CSMD1: variants seen among roughly 807,000 people sequenced by gnomAD.
CSMD1 encodes the protein CUB and Sushi multiple domains 1.
In CSMD1, 213 loss-of-function variants were observed where a neutral mutation model predicts 417.5. The ratio of observed to expected loss-of-function variants is 0.51; its 90% CI spans 0.46 to 0.57. CSMD1 has a LOEUF of 0.57. Among genes scored for constraint, CSMD1 ranks in the 20% least tolerant of loss-of-function variants. The pLI, the probability that CSMD1 is intolerant of heterozygous loss-of-function variation, is 0.00. For synonymous variants in CSMD1, 2,862 were observed against 1,736.8 expected, an observed-to-expected ratio of 1.65 and a Z score of -16.11; for missense variants, 6,923 against 4,529.7, an observed-to-expected ratio of 1.53 and a Z score of -15.17.
intron 1 of CSMD1, among the ~76,000 whole-genome samples, chr8:4,761,885 A>G (rs1229107962): frequency 1.3e-5 from 1 of 76,182 alleles, no homozygotes; most frequent in African/African-American, 4.5e-5. Flanking sequence ...CTATCTATCT[A>G]TCTACCTACC....
intron 26 of CSMD1, among the ~76,000 whole-genome samples, chr8:3,258,569 T>A (rs1324667336): frequency 6.6e-6 from 1 of 152,182 alleles, no homozygotes; most frequent in Non-Finnish European, 1.5e-5. Context: ...GAAATATCAT[T>A]GGACCTAGCA....
At chr8:3,125,451 TAAGA>T (rs1817454198) in intron 41 of CSMD1, among the ~76,000 whole-genome samples, 1 of 152,172 alleles carries the variant, frequency 6.6e-6, no homozygotes, top group African/African-American at 2.4e-5. Context: ...AGTTTTAATT[TAAGA>T]AAGAAAGTCA....
intron 3 of CSMD1, among the ~76,000 whole-genome samples, chr8:4,376,269 G>C (rs190041989): frequency 2.6e-5 from 4 of 152,128 alleles, no homozygotes; most frequent in Non-Finnish European, 5.9e-5. Context: ...TTCTCTGATG[G>C]TAAGAATGAC....
intron 1 of CSMD1, among the ~76,000 whole-genome samples, chr8:4,691,989 T>A (rs1375535054): frequency 6.6e-6 from 1 of 152,186 alleles, no homozygotes; most frequent in African/African-American, 2.4e-5. Flanking sequence ...TCTGTCTCAA[T>A]CCATCTTCAG....
At chr8:4,034,930 G>A (rs1449581611) in intron 3 of CSMD1, among the ~76,000 whole-genome samples, 1 of 152,078 alleles carries the variant, frequency 6.6e-6, no homozygotes, top group South Asian at 2.1e-4. Flanking sequence ...GTCACACACG[G>A]AAAATGCAAA....
intron 9 of CSMD1, among the ~76,000 whole-genome samples, chr8:3,577,688 C>T (rs562804807): frequency 1.6e-3 from 250 of 152,314 alleles, no homozygotes; most frequent in African/African-American, 5.7e-3. Flanking sequence ...GTAATTCTAA[C>T]CCTCCTTCTT....
At chr8:3,898,058 A>G (rs920798863) in intron 5 of CSMD1, among the ~76,000 whole-genome samples, 4 of 152,212 alleles carry the variant, frequency 2.6e-5, no homozygotes, top group African/African-American at 9.6e-5. Context: ...TTATGTACTT[A>G]CAAACAAGGT....
chr8:3,062,265 A>G (rs749288611), intron 49 of CSMD1, among the ~76,000 whole-genome samples: 3 of 152,134 alleles, frequency 2.0e-5, no homozygotes, highest in Non-Finnish European at 2.9e-5. Flanking sequence ...TATACCATTA[A>G]TACCATGCTG....
chr8:4,147,474 G>C (rs147251445), intron 3 of CSMD1, among the ~76,000 whole-genome samples: 2 of 152,030 alleles, frequency 1.3e-5, no homozygotes, highest in Non-Finnish European at 2.9e-5. Flanking sequence ...TACCCTACAT[G>C]ATTGCCTTTG....
At chr8:4,767,247 G>A (rs1335349093) in intron 1 of CSMD1, among the ~76,000 whole-genome samples, 1 of 152,180 alleles carries the variant, frequency 6.6e-6, no homozygotes, top group Non-Finnish European at 1.5e-5. Context: ...TGGATGCAAG[G>A]TGAAAAGAAA....
chr8:3,988,147 G>A (rs1814477328), intron 5 of CSMD1, among the ~76,000 whole-genome samples: 1 of 152,130 alleles, frequency 6.6e-6, no homozygotes, highest in South Asian at 2.1e-4. Flanking sequence ...CTGCTGGGCA[G>A]TTGGGCTGGT....
intron 7 of CSMD1, among the ~76,000 whole-genome samples, chr8:3,680,839 C>T (rs1799617397): frequency 6.6e-6 from 1 of 152,174 alleles, no homozygotes; most frequent in African/African-American, 2.4e-5. Context: ...GCTTATCCAC[C>T]ATGATCAAGT....
chr8:4,850,382 CTTTTTTTTT>C, intron 1 of CSMD1, among the ~76,000 whole-genome samples: 9 of 77,826 alleles, frequency 1.2e-4, no homozygotes, highest in South Asian at 5.7e-4. Context: ...TCCAATTTAT[CTTTTTTTTT>C]TTTTTTTTTT....
At chr8:4,055,552 A>T (rs1457721309) in intron 3 of CSMD1, among the ~76,000 whole-genome samples, 1 of 141,062 alleles carries the variant, frequency 7.1e-6, no homozygotes, top group Non-Finnish European at 1.5e-5. Flanking sequence ...TTTAATGAAT[A>T]TCATATAAAG....
At chr8:4,829,563 A>C (rs1002997698) in intron 1 of CSMD1, among the ~76,000 whole-genome samples, 1 of 152,042 alleles carries the variant, frequency 6.6e-6, no homozygotes, top group African/African-American at 2.4e-5. Flanking sequence ...GCAACATGGC[A>C]ACCTCATCTT....
intron 7 of CSMD1, among the ~76,000 whole-genome samples, chr8:3,674,315 G>C (rs1276731139): frequency 1.3e-5 from 2 of 152,134 alleles, no homozygotes; most frequent in East Asian, 1.9e-4. Context: ...CACATTCTTT[G>C]AACTTACCAT....
At chr8:2,962,999 G>C (rs1013489439) in intron 60 of CSMD1, among the ~76,000 whole-genome samples, 12 of 152,184 alleles carry the variant, frequency 7.9e-5, no homozygotes, top group Non-Finnish European at 1.6e-4. Flanking sequence ...AGGGAGCTAT[G>C]ATTGAACCAC....
intron 3 of CSMD1, among the ~76,000 whole-genome samples, chr8:4,404,047 T>C (rs920512837): frequency 1.3e-5 from 2 of 152,176 alleles, no homozygotes; most frequent in Non-Finnish European, 2.9e-5. Context: ...TCCAGACTTA[T>C]CCAAAAACAC....
chr8:4,275,686 T>A lies in CSMD1; in HGVS notation c.415+144267A>T, dbSNP rs577483399. 4.2e-4 allele frequency among the ~76,000 whole-genome samples: 64 copies of A among 152,340 alleles called. No individual in the cohort carries two copies. In the South Asian group the frequency reaches 0.013, roughly 30 times the overall value. ...AAAATTGTATACGTTTTGCAAAGCT[T>A]GTTTTAGTGATAATACTCAGTGTGA... On this transcript the variant is annotated intron_variant, in intron 3 of 69. Transcript: ENST00000635120.
Sources: allele counts gnomAD v4.1 joint callset (sites outside exome capture counted in the v4.1 genomes callset), GRCh38; gene constraint gnomAD v4.1.1; transcripts MANE v1.5; gene names NCBI Gene and HGNC (gene_info 2026-07-23, HGNC 2026-07-21).